The following TSPYL1 variants were observed in gnomAD, a reference collection of about 807,000 sequenced individuals.
TSPYL1 encodes TSPY like 1, also known as testis-specific Y-encoded-like protein 1.
Under a neutral mutation model 20.1 loss-of-function variants are expected in TSPYL1, and 16 were observed. The ratio of observed to expected loss-of-function variants is 0.80; its 90% CI spans 0.54 to 1.21. The LOEUF is 1.21. TSPYL1 is among the 50% of genes most tolerant of loss of function. TSPYL1 has a pLI of 0.00. For synonymous variants in TSPYL1, 259 were observed against 227.1 expected (o/e 1.14, Z -1.26); for missense variants, 560 against 569.3 (o/e 0.98, Z 0.17).
chr6:116,276,005 T>C lies in TSPYL1; in HGVS notation c.*2512A>G, dbSNP rs1345968021. 6.6e-6 allele frequency among the ~76,000 whole-genome samples: 1 copy of C among 152,228 alleles called. No homozygotes were observed. The highest frequency in any genetic ancestry group is 2.4e-5 in the African/African-American group (1 of 41,470). ...TTCCCCAGTTCCCCAAAGAAGGGAATGGACTTTATCTTCTTACTCTTTTTC... is the reference window on the plus strand; with the variant it reads ...TTCCCCAGTTCCCCAAAGAAGGGAACGGACTTTATCTTCTTACTCTTTTTC... On this transcript the variant is annotated 3_prime_UTR_variant, in exon 1 of 1. Coordinates refer to ENST00000368608, the MANE Select transcript of TSPYL1 (RefSeq NM_003309.4).
chr6:116,279,385 T>TCCGCCC lies in TSPYL1; in HGVS notation c.440_445dup (p.Gly147_Ala148dup). On this transcript the variant is annotated inframe_insertion, in exon 1 of 1. Transcript: ENST00000368608. ...TGTCTTCACCTCCTCCGCCTCAGCC[T>TCCGCCC]CCGCCCCCGCCGTCAGCTCAGACGC... The TCCGCCC allele has an allele frequency of 6.2e-7, 1 of 1,612,812 alleles. No individual in the cohort carries two copies. Among genetic ancestry groups the TCCGCCC allele is most frequent in the Admixed American group, 1.7e-5 (1 of 60,020 alleles).
chr6:116,278,284 C>T lies in TSPYL1; in HGVS notation c.*233G>A. ...GCTTACAAGTAGTGTGAAGGATGAC[C>T]TCGTAGCATGTGATATTCCAGAACA... On this transcript the variant is annotated 3_prime_UTR_variant, in exon 1 of 1. Transcript: ENST00000368608. The T allele has an allele frequency of 1.8e-6, 1 of 547,978 alleles. No homozygotes were observed. Among genetic ancestry groups the T allele is most frequent in the Non-Finnish European group, 3.3e-6 (1 of 304,474 alleles). 33.9% of individuals were successfully genotyped at this position (547,978 alleles called of 1,614,324 possible).
Position 116,279,038 on chromosome 6 carries a change from G to A in TSPYL1, c.793C>T (p.Leu265=), listed in dbSNP as rs1402310153. Residue 265 remains leucine (L), a synonymous_variant, in exon 1 of 1, where the codon CTG becomes TTG. Transcript: ENST00000368608. The part of the protein sequence containing the change: ...HKFGRMRRHY[L]ERRNYIIQNI... ...TGAATGATGTAGTTCCTCCGCTCCA[G>A]GTAGTGTCGACGCATCCGCCCAAAC... 1 of 1,613,462 alleles carries A rather than the reference G, an allele frequency of 6.2e-7. No homozygotes were observed.
Position 116,279,609 on chromosome 6 carries a change from G to A in TSPYL1, c.222C>T (p.Ala74=). 1 of 1,602,430 alleles carries A rather than the reference G, an allele frequency of 6.2e-7. No homozygotes were observed. The highest frequency in any genetic ancestry group is 8.5e-7 in the Non-Finnish European group (1 of 1,179,784). ...PSEEGGVPQD[A]AGRGGTPQIR... Reference sequence around the variant, plus strand: ...TCTGGGGAGTACCGCCACGGCCCGCGGCATCCTGGGGTACGCCCCCCTCCT... The same window carrying A: ...TCTGGGGAGTACCGCCACGGCCCGCAGCATCCTGGGGTACGCCCCCCTCCT... The change falls in exon 1 of 1, where the codon GCC becomes GCT. Residue 74 remains alanine (A), a synonymous_variant. Coordinates refer to ENST00000368608, the MANE Select transcript of TSPYL1 (RefSeq NM_003309.4).
In TSPYL1 at chr6:116,278,592, T is replaced by C. The variant is rs777781994; in HGVS notation, c.1239A>G (p.Gly413=). 6 of 1,614,152 alleles carry C rather than the reference T, an allele frequency of 3.7e-6. No individual in the cohort carries two copies. The highest frequency in any genetic ancestry group is 5.1e-6 in the Non-Finnish European group (6 of 1,180,030). Residue 413 remains glycine (G), a synonymous_variant, in exon 1 of 1, where the codon GGA becomes GGG. Transcript: ENST00000368608. ...GCGGGCGACGTCGGGCTCTACGGAC[T>C]CCTTCACGCAACAGGTAGTATTGCA... ...NPLQYYLLRE[G]VRRARRRPLR...
At position 116,278,566 on chromosome 6, in the gene TSPYL1, A is replaced by C. The variant is rs1292149126; in HGVS notation, c.1265T>G (p.Leu422Arg). ...EGVRRARRRP[L>R]REPVEIPRPF... ...CCTGGGGATCTCTACAGGCTCCCTT[A>C]GCGGGCGACGTCGGGCTCTACGGAC... The change falls in exon 1 of 1, where the codon CTA (leucine) becomes CGA (arginine). Residue 422 changes from leucine to arginine, a missense_variant. Transcript: ENST00000368608. The C allele has an allele frequency of 6.2e-7, 1 of 1,614,198 alleles. No individual in the cohort carries two copies. Among genetic ancestry groups the C allele is most frequent in the Non-Finnish European group, 8.5e-7 (1 of 1,180,022 alleles).
Position 116,277,208 on chromosome 6 carries a change from CAAGT to C in TSPYL1, c.*1305_*1308del, listed in dbSNP as rs1373861499. 16 of 152,732 alleles carry C rather than the reference CAAGT, an allele frequency of 1.0e-4. No individual in the cohort carries two copies. Among genetic ancestry groups the C allele is most frequent in the African/African-American group, 2.6e-4 (11 of 41,568 alleles). The allele number at this position is 152,732 out of a possible 1,614,324, so 9.5% of individuals were successfully genotyped here. A position where few individuals can be genotyped will look rare whatever the true frequency, so the allele number is the denominator to read the frequency against. On this transcript the variant is annotated 3_prime_UTR_variant, in exon 1 of 1. Coordinates refer to ENST00000368608, the MANE Select transcript of TSPYL1 (RefSeq NM_003309.4). ...CTTCCACATAAATTAGGTCACAAAA[CAAGT>C]AAGAAAGCATTCAAAGTTGCGCTGT...
rs1287806886 is a variant in TSPYL1, at chr6:116,277,846, G to T, written c.*671C>A. On this transcript the variant is annotated 3_prime_UTR_variant, in exon 1 of 1. Transcript: ENST00000368608. ...GAACCCGGGAGGTGGAGGTTGCAGT[G>T]AGCCGAGATCGCGCCACTGCACTCC... is the stretch of plus-strand genomic sequence containing the variant. The T allele has an allele frequency of 1.4e-5, 2 of 146,148 alleles. No homozygotes were observed. Among genetic ancestry groups the T allele is most frequent in the Admixed American group, 7.0e-5 (1 of 14,204 alleles). The allele number at this position is 146,148 out of a possible 1,614,324, so 9.1% of individuals were successfully genotyped here.
Position 116,279,737 on chromosome 6 carries a change from G to C in TSPYL1, c.94C>G (p.Gln32Glu). 1 of 1,611,888 alleles carries C rather than the reference G, an allele frequency of 6.2e-7. No homozygotes were observed. The highest frequency in any genetic ancestry group is 8.5e-7 in the Non-Finnish European group (1 of 1,180,038). ...DQVPSDQDAHQYLRLRDQSEA... is the reference protein window; with the variant it reads ...DQVPSDQDAHEYLRLRDQSEA... ...CTTTGGTCGCGGAGCCTCAGGTACTGGTGTGCGTCCTGGTCGCTCGGGACT... is the reference window on the plus strand; with the variant it reads ...CTTTGGTCGCGGAGCCTCAGGTACTCGTGTGCGTCCTGGTCGCTCGGGACT... The change falls in exon 1 of 1, where the codon CAG (glutamine) becomes GAG (glutamate). Residue 32 changes from glutamine to glutamate, a missense_variant. Physicochemically the swap from Gln to Glu is conservative, Grantham distance 29. Coordinates refer to ENST00000368608, the MANE Select transcript of TSPYL1 (RefSeq NM_003309.4).
rs199823906 is a variant in TSPYL1 at position 116,279,643 on chromosome 6, G to T, written c.188C>A (p.Pro63Gln). The T allele has an allele frequency of 3.6e-5, 58 of 1,604,732 alleles. No individual in the cohort carries two copies. In the African/African-American group the frequency reaches 7.1e-4, roughly 20 times the overall value. The part of the protein sequence containing the change: ...GSETVALPPP[P>Q]PSEEGGVPQD... The stretch of plus-strand genomic sequence containing the variant: ...GGGTACGCCCCCCTCCTCTGAAGGC[G>T]GTGGAGGCGGGAGCGCGACGGTCTC... The change falls in exon 1 of 1, where the codon CCG (proline) becomes CAG (glutamine). Residue 63 changes from proline (P) to glutamine (Q), a missense_variant. Coordinates refer to ENST00000368608, the MANE Select transcript of TSPYL1 (RefSeq NM_003309.4).
In TSPYL1 at chr6:116,275,792, C is replaced by G. The variant is rs1364646217; in HGVS notation, c.*2725G>C. Among the ~76,000 whole-genome samples the G allele has an allele frequency of 7.9e-6, 1 of 127,286 alleles. No homozygotes were observed. Among genetic ancestry groups the G allele is most frequent in the Non-Finnish European group, 1.5e-5 (1 of 64,910 alleles). The allele number at this position is 127,286 out of a possible 152,430, so 83.5% of individuals were successfully genotyped here. ...CTCCAGCCTGGGCAAGAGTGGGACT[C>G]TATCTCAAAAAAAAAAAAAAAAAAT... On this transcript the variant is annotated 3_prime_UTR_variant, in exon 1 of 1. Transcript: ENST00000368608.
Position 116,279,927 on chromosome 6 carries a change from C to G in TSPYL1, c.-97G>C. 6.4e-7 allele frequency: 1 copy of G among 1,553,398 alleles called. No homozygotes were observed. Among genetic ancestry groups the G allele is most frequent in the Non-Finnish European group, 8.9e-7 (1 of 1,126,776 alleles). ...GCTCGCACCGCCCACCCTACAGTCTCACTAACATTTCAGCGGCGGTGTCGT... is the reference window on the plus strand; with the variant it reads ...GCTCGCACCGCCCACCCTACAGTCTGACTAACATTTCAGCGGCGGTGTCGT... On this transcript the variant is annotated 5_prime_UTR_variant, in exon 1 of 1. Coordinates refer to ENST00000368608, the MANE Select transcript of TSPYL1 (RefSeq NM_003309.4).
At position 116,278,721 on chromosome 6, in the gene TSPYL1, G is replaced by A. The variant is rs1303687075; in HGVS notation, c.1110C>T (p.Asn370=). 10 of 1,614,172 alleles carry A rather than the reference G, an allele frequency of 6.2e-6. No individual in the cohort carries two copies. Among genetic ancestry groups the A allele is most frequent in the South Asian group, 5.5e-5 (5 of 91,088 alleles). Residue 370 remains asparagine, a synonymous_variant, in exon 1 of 1, where the codon AAC becomes AAT. Transcript: ENST00000368608. ...TGAAGAAGCTGCAGATGAGGTCTTGGTTTCTGCGAATGAAGGACTGGGGTT... is the reference window on the plus strand; with the variant it reads ...TGAAGAAGCTGCAGATGAGGTCTTGATTTCTGCGAATGAAGGACTGGGGTT... ...GHEPQSFIRR[N]QDLICSFFTW...
In TSPYL1 at chr6:116,279,893, C is replaced by T. The variant is rs1773405000; in HGVS notation, c.-63G>A. On this transcript the variant is annotated 5_prime_UTR_variant, in exon 1 of 1. Coordinates refer to ENST00000368608, the MANE Select transcript of TSPYL1 (RefSeq NM_003309.4). ...TTTTCCTCAGAGGCCGAACTGGGAG[C>T]TAACCGCCGCTCGCACCGCCCACCC... 6.2e-7 allele frequency: 1 copy of T among 1,608,340 alleles called. No homozygotes were observed. Among genetic ancestry groups the T allele is most frequent in the Non-Finnish European group, 8.5e-7 (1 of 1,176,714 alleles).
rs755654826 is a variant in TSPYL1 at position 116,279,879 on chromosome 6, G to C, written c.-49C>G. 6.2e-7 allele frequency: 1 copy of C among 1,612,682 alleles called. No homozygotes were observed. The highest frequency in any genetic ancestry group is 1.7e-5 in the Admixed American group (1 of 60,026). ...CAGGCGAACGCCCGTTTTCCTCAGA[G>C]GCCGAACTGGGAGCTAACCGCCGCT... On this transcript the variant is annotated 5_prime_UTR_variant, in exon 1 of 1. Coordinates refer to ENST00000368608, the MANE Select transcript of TSPYL1 (RefSeq NM_003309.4).
Position 116,279,281 on chromosome 6 carries a change from C to T in TSPYL1, c.550G>A (p.Glu184Lys). 6.4e-7 allele frequency: 1 copy of T among 1,572,324 alleles called. No individual in the cohort carries two copies. Among genetic ancestry groups the T allele is most frequent in the African/African-American group, 1.7e-5 (1 of 58,790 alleles). ...ACCTCCATCTGCTCCTCCATTACCT[C>T]CTTCTCCGCCAGGCCTTCCTTCACC... ...EVVKEGLAEK[E>K]VMEEQMEVEE... Residue 184 changes from glutamate to lysine, a missense_variant, in exon 1 of 1, where the codon GAG becomes AAG. Transcript: ENST00000368608.
At position 116,279,843 on chromosome 6, in the gene TSPYL1, C is replaced by G. The variant is rs776897357; in HGVS notation, c.-13G>C. 4 of 1,613,020 alleles carry G rather than the reference C, an allele frequency of 2.5e-6. No individual in the cohort carries two copies. Among genetic ancestry groups the G allele is most frequent in the Non-Finnish European group, 3.4e-6 (4 of 1,180,020 alleles). ...CCAGGCCGCTCATGTTGCTAACAGT[C>G]GGACCAACCGCAGGCGAACGCCCGT... On this transcript the variant is annotated 5_prime_UTR_variant, in exon 1 of 1. Coordinates refer to ENST00000368608, the MANE Select transcript of TSPYL1 (RefSeq NM_003309.4).
Position 116,275,624 on chromosome 6 carries a change from C to T in TSPYL1, c.*2893G>A, listed in dbSNP as rs1253415853. Reference sequence around the variant, plus strand: ...GACCATCCTGGCTAACATGGTGAAACCCCATCTCTACTAAAAATACAAAAA... The same window carrying T: ...GACCATCCTGGCTAACATGGTGAAATCCCATCTCTACTAAAAATACAAAAA... On this transcript the variant is annotated 3_prime_UTR_variant, in exon 1 of 1. Coordinates refer to ENST00000368608, the MANE Select transcript of TSPYL1 (RefSeq NM_003309.4). 6.6e-6 allele frequency among the ~76,000 whole-genome samples: 1 copy of T among 152,074 alleles called. No homozygotes were observed. Among genetic ancestry groups the T allele is most frequent in the Admixed American group, 6.5e-5 (1 of 15,274 alleles).
At position 116,279,302 on chromosome 6, in the gene TSPYL1, T is replaced by TCTCCGCCAGGCCTTCCTTCAC; in HGVS notation, c.528_529insGTGAAGGAAGGCCTGGCGGAG (p.Val176_Lys177insValLysGluGlyLeuAlaGlu). The stretch of plus-strand genomic sequence containing the variant: ...ACCTCCTTCTCCGCCAGGCCTTCCT[T>TCTCCGCCAGGCCTTCCTTCAC]CACCACCTCAGCGCTCTCCCTCTCA... On this transcript the variant is annotated inframe_insertion, in exon 1 of 1. Coordinates refer to ENST00000368608, the MANE Select transcript of TSPYL1 (RefSeq NM_003309.4). 3 of 1,609,292 alleles carry TCTCCGCCAGGCCTTCCTTCAC rather than the reference T, an allele frequency of 1.9e-6. No individual in the cohort carries two copies. Among genetic ancestry groups the TCTCCGCCAGGCCTTCCTTCAC allele is most frequent in the Non-Finnish European group, 2.5e-6 (3 of 1,179,814 alleles).
Sources: allele counts gnomAD v4.1 joint callset (sites outside exome capture counted in the v4.1 genomes callset), GRCh38; gene constraint gnomAD v4.1.1; transcripts MANE v1.5; gene names NCBI Gene and HGNC (gene_info 2026-07-23, HGNC 2026-07-21).